Variants in MAGI1 observed in about 807,000 individuals in gnomAD.
MAGI1 encodes membrane-associated guanylate kinase, WW and PDZ domain-containing protein 1.
In MAGI1, 58 loss-of-function variants were observed where a neutral mutation model predicts 139.9. The ratio of observed to expected loss-of-function variants is 0.41; its 90% CI spans 0.34 to 0.52. MAGI1 has a LOEUF of 0.52. Among genes scored for constraint, MAGI1 ranks in the 20% least tolerant of loss-of-function variants. MAGI1 has a pLI of 0.12. For missense variants in MAGI1, 1,874 were observed against 1,901.6 expected (o/e 0.99, Z 0.27); for synonymous variants, 812 against 737.9 (o/e 1.10, Z -1.63).
At chr3:65,644,261 T>C (rs1426121939) in intron 1 of MAGI1, among the ~76,000 whole-genome samples, 4 of 151,914 alleles carry the variant, frequency 2.6e-5, no homozygotes, top group African/African-American at 9.7e-5. Context: ...ACTCATCATA[T>C]GAAGAATAAA....
intron 1 of MAGI1, among the ~76,000 whole-genome samples, chr3:65,662,568 G>T (rs1023460515): frequency 6.6e-6 from 1 of 152,160 alleles, no homozygotes; most frequent in South Asian, 2.1e-4. Context: ...TTGTTTGTTT[G>T]TATGTTCTAA....
At chr3:65,620,516 C>T (rs2083606830) in intron 2 of MAGI1, among the ~76,000 whole-genome samples, 1 of 152,128 alleles carries the variant, frequency 6.6e-6, no homozygotes, top group African/African-American at 2.4e-5. Context: ...TATTGGCTTC[C>T]TCATTGCCTC....
chr3:65,848,877 G>A (rs1239254833), intron 1 of MAGI1, among the ~76,000 whole-genome samples: 1 of 151,898 alleles, frequency 6.6e-6, no homozygotes, highest in Non-Finnish European at 1.5e-5. Context: ...ACACTTCCTG[G>A]CTTACTGATT....
At chr3:65,770,952 A>G (rs898644843) in intron 1 of MAGI1, among the ~76,000 whole-genome samples, 7 of 151,926 alleles carry the variant, frequency 4.6e-5, no homozygotes, top group African/African-American at 1.7e-4. Context: ...CGGCCTCCCA[A>G]AGTGCTGGGA....
rs190630338 is a variant in MAGI1, at chr3:65,764,365, C to T, written c.314-142277G>A. Among the ~76,000 whole-genome samples, 450 of 152,312 alleles carry T rather than the reference C, an allele frequency of 3.0e-3. 1 individual carries two copies. Among genetic ancestry groups the T allele is most frequent in the Admixed American group, 4.9e-3 (75 of 15,300 alleles). ...TCTATGCTTCTCCCACTCCTGTCCACTCCCCTCTCCCCCACTATTCAAAAA... is the reference window on the plus strand; with the variant it reads ...TCTATGCTTCTCCCACTCCTGTCCATTCCCCTCTCCCCCACTATTCAAAAA... On this transcript the variant is annotated intron_variant, in intron 1 of 22. Transcript: ENST00000402939.
chr3:65,464,915 G>C (rs1320491645), intron 5 of MAGI1, among the ~76,000 whole-genome samples: 1 of 150,450 alleles, frequency 6.6e-6, no homozygotes, highest in African/African-American at 2.4e-5. Flanking sequence ...CAGTACTGTT[G>C]AGTATATCTC....
chr3:65,788,218 G>C (rs2039525371), intron 1 of MAGI1, among the ~76,000 whole-genome samples: 1 of 152,168 alleles, frequency 6.6e-6, no homozygotes, highest in African/African-American at 2.4e-5. Context: ...AGTGCTTGAA[G>C]GTTTTTCGAA....
intron 1 of MAGI1, among the ~76,000 whole-genome samples, chr3:65,921,333 G>A (rs2062173695): frequency 1.3e-5 from 2 of 149,782 alleles, no homozygotes; most frequent in South Asian, 4.2e-4. Context: ...TTTGAGACAG[G>A]GTCTCACTCT....
intron 12 of MAGI1, among the ~76,000 whole-genome samples, chr3:65,402,872 G>T (rs1945025750): frequency 6.6e-6 from 1 of 152,166 alleles, no homozygotes; most frequent in South Asian, 2.1e-4. Flanking sequence ...CACCATGGAA[G>T]CCTGGCTCCC....
chr3:65,593,769 A>T (rs1358986690), intron 2 of MAGI1, among the ~76,000 whole-genome samples: 1 of 152,202 alleles, frequency 6.6e-6, no homozygotes, highest in Non-Finnish European at 1.5e-5. Flanking sequence ...TAGATATAGA[A>T]ATACGGGAAA....
rs1951673173 is a variant in MAGI1, at chr3:65,486,901, C to G, written c.550+6611G>C. ...TTCACAAATGGTACCACTATCTATC[C>G]AGTAATAGAAGACAGAAACTAGGAG... On this transcript the variant is annotated intron_variant, in intron 3 of 22. Transcript: ENST00000402939. Among the ~76,000 whole-genome samples, 3 of 152,282 alleles carry G rather than the reference C, an allele frequency of 2.0e-5. No individual in the cohort carries two copies. In the South Asian group the frequency reaches 6.2e-4, roughly 32 times the overall value.
At chr3:65,431,346 G>A (rs1171193373) in intron 10 of MAGI1, among the ~76,000 whole-genome samples, 1 of 152,074 alleles carries the variant, frequency 6.6e-6, no homozygotes, top group Non-Finnish European at 1.5e-5. Flanking sequence ...GAAAATCCAG[G>A]CTGAAAATGC....
intron 1 of MAGI1, among the ~76,000 whole-genome samples, chr3:65,669,118 G>A (rs1185369935): frequency 6.6e-6 from 1 of 151,884 alleles, no homozygotes; most frequent in Non-Finnish European, 1.5e-5. Flanking sequence ...TGTATTTTTA[G>A]TAGAGACAGG....
At chr3:65,490,611 C>T (rs73115963) in intron 3 of MAGI1, among the ~76,000 whole-genome samples, 8,296 of 151,950 alleles carry the variant, frequency 0.055, 252 homozygotes, top group Admixed American at 0.087. Context: ...TATGGGAGGT[C>T]GATGCAGGCG....
intron 1 of MAGI1, among the ~76,000 whole-genome samples, chr3:65,942,818 C>T (rs139271562): frequency 7.9e-5 from 12 of 152,166 alleles, no homozygotes; most frequent in Non-Finnish European, 1.6e-4. Flanking sequence ...GTTGGGAGTT[C>T]GAGACCAGCC....
At chr3:65,446,772 T>C (rs1316225314) in intron 7 of MAGI1, among the ~76,000 whole-genome samples, 1 of 152,226 alleles carries the variant, frequency 6.6e-6, no homozygotes, top group African/African-American at 2.4e-5. Flanking sequence ...TGTTCTATCA[T>C]TCAGGGTGAA....
chr3:65,398,732 AAT>A (rs1362059240), intron 13 of MAGI1, among the ~76,000 whole-genome samples: 2 of 152,152 alleles, frequency 1.3e-5, no homozygotes, highest in East Asian at 1.9e-4. Context: ...CCTGACAGAA[AAT>A]ATGTCTTGTT....
At chr3:65,504,703 A>T (rs1179259054) in intron 2 of MAGI1, among the ~76,000 whole-genome samples, 1 of 152,214 alleles carries the variant, frequency 6.6e-6, no homozygotes, top group East Asian at 1.9e-4. Context: ...GAAAGCTGGT[A>T]AAACCCTTCC....
intron 1 of MAGI1, among the ~76,000 whole-genome samples, chr3:65,747,963 C>T (rs2035839065): frequency 6.6e-6 from 1 of 152,226 alleles, no homozygotes; most frequent in African/African-American, 2.4e-5. Context: ...AACCAAGACT[C>T]GGGGTGCCAG....
Sources: gnomAD v4.1 joint callset for allele counts (sites outside exome capture counted in the v4.1 genomes callset) on GRCh38, gnomAD v4.1.1 for gene constraint, MANE v1.5 for transcripts, NCBI Gene and HGNC (gene_info 2026-07-23, HGNC 2026-07-21) for gene names.